Variants in RBFOX3 observed in about 807,000 individuals in gnomAD.
RBFOX3 encodes RNA binding protein fox-1 homolog 3.
Under a neutral mutation model 48.7 loss-of-function variants are expected in RBFOX3, and 17 were observed. The ratio of observed to expected loss-of-function variants is 0.35; its 90% CI spans 0.24 to 0.52. RBFOX3 has a LOEUF of 0.52. Ranked by LOEUF, RBFOX3 falls within the 20% of genes least tolerant of loss-of-function variation. The pLI, the probability that RBFOX3 is intolerant of heterozygous loss-of-function variation, is 0.94. For missense variants in RBFOX3, 382 were observed against 497.5 expected (o/e 0.77, Z 2.21); for synonymous variants, 212 against 209.5 (o/e 1.01, Z -0.10).
chr17:79,575,309 A>C (rs1175013289), intron 1 of RBFOX3, among the ~76,000 whole-genome samples: 1 of 152,148 alleles, frequency 6.6e-6, no homozygotes, highest in Non-Finnish European at 1.5e-5. Context: ...GGCAGGAACG[A>C]GTACATGGGA....
At chr17:79,345,218 G>T (rs1188390892) in intron 2 of RBFOX3, among the ~76,000 whole-genome samples, 1 of 152,170 alleles carries the variant, frequency 6.6e-6, no homozygotes, top group East Asian at 1.9e-4. Flanking sequence ...TTGAAGAATT[G>T]ATCCATTTTA....
chr17:79,602,788 T>C (rs1197948767), intron 1 of RBFOX3, among the ~76,000 whole-genome samples: 6 of 152,134 alleles, frequency 3.9e-5, no homozygotes, highest in Admixed American at 6.5e-5. Flanking sequence ...GCCTGCGCGG[T>C]AAGCGATGTG....
chr17:79,328,785 C>T lies in RBFOX3; in HGVS notation c.-174-20961G>A, dbSNP rs77464791. Reference sequence around the variant, plus strand: ...AAACAGCATCCACTTGATGAATGGCCGTTTCCTGCACTTTGTAAAATTAAA... The same window carrying T: ...AAACAGCATCCACTTGATGAATGGCTGTTTCCTGCACTTTGTAAAATTAAA... On this transcript the variant is annotated intron_variant, in intron 2 of 14. Transcript: ENST00000693108. 3.5e-3 allele frequency among the ~76,000 whole-genome samples: 529 copies of T among 152,290 alleles called. 3 individuals carry two copies. Among genetic ancestry groups the T allele is most frequent in the African/African-American group, 0.012 (505 of 41,552 alleles).
intron 1 of RBFOX3, among the ~76,000 whole-genome samples, chr17:79,538,387 C>T (rs1394790919): frequency 6.6e-6 from 1 of 152,232 alleles, no homozygotes; most frequent in Non-Finnish European, 1.5e-5. Context: ...TTCTATGCCC[C>T]TTTCCTCCCA....
intron 3 of RBFOX3, among the ~76,000 whole-genome samples, chr17:79,265,808 G>A (rs1389410465): frequency 4.6e-5 from 7 of 152,192 alleles, no homozygotes. Flanking sequence ...CTGCGGCTGG[G>A]CAGGCCTGCC....
Position 79,364,933 on chromosome 17 carries a change from C to T in RBFOX3, c.-174-57109G>A, listed in dbSNP as rs907046840. On this transcript the variant is annotated intron_variant, in intron 2 of 14. Coordinates refer to ENST00000693108, the MANE Select transcript of RBFOX3 (RefSeq NM_001350451.2). This position sits in a 1 kb window ranked among gnomAD's most constrained non-coding sequence, Gnocchi z 5.1. ...CCAGGGAGTGGCTGGGCAGGAGCCA[C>T]CCAGCTGCAGTGCTTGGGCAGCAGT... Among the ~76,000 whole-genome samples, 3 of 152,210 alleles carry T rather than the reference C, an allele frequency of 2.0e-5. No homozygotes were observed. The South Asian group carries it at 6.2e-4, about 32-fold the overall frequency.
chr17:79,169,330 T>TC (rs1050388156), intron 4 of RBFOX3, among the ~76,000 whole-genome samples: 2 of 152,040 alleles, frequency 1.3e-5, no homozygotes, highest in Non-Finnish European at 2.9e-5. Context: ...CGGTGAGGAT[T>TC]CCATATAGGG....
intron 2 of RBFOX3, among the ~76,000 whole-genome samples, chr17:79,401,181 G>A (rs544151717): frequency 6.6e-6 from 1 of 152,190 alleles, no homozygotes. Context: ...CTACAGGAAC[G>A]ATCAAAGGAA....
chr17:79,334,008 G>C (rs1416245181), intron 2 of RBFOX3, among the ~76,000 whole-genome samples: 1 of 151,706 alleles, frequency 6.6e-6, no homozygotes, highest in Non-Finnish European at 1.5e-5. Context: ...TTCCCACCCT[G>C]GTCACCAACG....
chr17:79,548,353 G>C (rs1424391611), intron 1 of RBFOX3, among the ~76,000 whole-genome samples: 4 of 152,220 alleles, frequency 2.6e-5, no homozygotes, highest in African/African-American at 4.8e-5. Flanking sequence ...GAACAGAAGG[G>C]CTGGCTTGCA....
chr17:79,359,412 CTTTAT>C (rs1203676976), intron 2 of RBFOX3, among the ~76,000 whole-genome samples: 1 of 152,150 alleles, frequency 6.6e-6, no homozygotes, highest in African/African-American at 2.4e-5. Flanking sequence ...ACTGAGCAGC[CTTTAT>C]TTTATCTAGC....
intron 2 of RBFOX3, among the ~76,000 whole-genome samples, chr17:79,440,954 G>T (rs1259160131): frequency 6.6e-6 from 1 of 152,226 alleles, no homozygotes; most frequent in Non-Finnish European, 1.5e-5. Flanking sequence ...CCAGATCAGA[G>T]ACATGCATAG....
intron 2 of RBFOX3, among the ~76,000 whole-genome samples, chr17:79,338,404 C>A (rs979253605): frequency 5.3e-5 from 8 of 152,030 alleles, no homozygotes; most frequent in Non-Finnish European, 8.8e-5. Context: ...GTATTGCAAC[C>A]CTTCTATGAC....
chr17:79,651,955 G>A, the RBFOX3 span, among the ~76,000 whole-genome samples: 1 of 145,188 alleles, frequency 6.9e-6, no homozygotes. Flanking sequence ...GCTCCTGCCA[G>A]CAACCAAGTG....
At chr17:79,483,858 C>T (rs1292430335) in intron 1 of RBFOX3, among the ~76,000 whole-genome samples, 8 of 152,292 alleles carry the variant, frequency 5.3e-5, no homozygotes, top group South Asian at 2.1e-4. Context: ...TCATATCCCA[C>T]GATCACACCG....
At chr17:79,351,891 T>C (rs1294828905) in intron 2 of RBFOX3, among the ~76,000 whole-genome samples, 1 of 152,184 alleles carries the variant, frequency 6.6e-6, no homozygotes, top group African/African-American at 2.4e-5. Context: ...CTCACCCTTG[T>C]TTTAAGGCCT....
chr17:79,139,146 C>T (rs570735608), intron 4 of RBFOX3, among the ~76,000 whole-genome samples: 1 of 152,316 alleles, frequency 6.6e-6, no homozygotes, highest in South Asian at 2.1e-4. Context: ...CACGGTCCTG[C>T]CTTGGCATGC....
chr17:79,095,672 G>A, intron 12 of RBFOX3, 98 bp from the exon 13 acceptor site: 1 of 1,102,058 alleles, frequency 9.1e-7, no homozygotes, highest in Non-Finnish European at 1.3e-6. Context: ...TGCGGGTGGG[G>A]CCCTGGGAGG....
chr17:79,293,443 CCTT>C (rs1375248834), intron 3 of RBFOX3, among the ~76,000 whole-genome samples: 7 of 80,160 alleles, frequency 8.7e-5, no homozygotes, highest in African/African-American at 2.5e-4. Context: ...TTCCTTCCTT[CCTT>C]CCTTCCTTCC....
Sources: allele counts gnomAD v4.1 joint callset (sites outside exome capture counted in the v4.1 genomes callset), GRCh38; gene constraint gnomAD v4.1.1; non-coding constraint Gnocchi (gnomAD v3.1); transcripts MANE v1.5; gene names NCBI Gene and HGNC (gene_info 2026-07-23, HGNC 2026-07-21).